UFD1: variants seen among roughly 807,000 people sequenced by gnomAD.
UFD1 encodes ubiquitin recognition factor in ER-associated degradation protein 1.
A neutral mutation model predicts 45.9 loss-of-function variants in UFD1; 13 were observed. The observed-to-expected ratio is 0.28, with a 90% CI of 0.18 to 0.45. The LOEUF (loss-of-function observed/expected upper bound fraction) is 0.45. UFD1 is among the 20% of genes least tolerant of loss of function. UFD1 has a pLI of 1.00. For missense variants in UFD1, 218 were observed against 389.2 expected (o/e 0.56, Z 3.70); for synonymous variants, 128 against 139.2 (o/e 0.92, Z 0.56).
chr22:19,457,221 T>A (rs1368930382), intron 7 of UFD1, among the ~76,000 whole-genome samples: 2 of 152,166 alleles, frequency 1.3e-5, no homozygotes, highest in Non-Finnish European at 2.9e-5. Context: ...GGGGCATGTA[T>A]CCACCACAGT....
chr22:19,451,719 T>A (rs1481265740), intron 11 of UFD1: 1 of 985,326 alleles, frequency 1.0e-6, no homozygotes, highest in Non-Finnish European at 1.2e-6. Flanking sequence ...TAAATTTGAG[T>A]CACAGCTGCA....
At position 19,475,540 on chromosome 22, in the gene UFD1, C is replaced by A; in HGVS notation, c.66G>T (p.Gln22His). 6.2e-7 allele frequency: 1 copy of A among 1,614,162 alleles called. No individual in the cohort carries two copies. Among genetic ancestry groups the A allele is most frequent in the Non-Finnish European group, 8.5e-7 (1 of 1,180,034 alleles). ...GCATGGACACAGAGAAGCAGCGGTACTGTGTGGAGAAGCGGTTTTGGAAGA... is the reference window on the plus strand; with the variant it reads ...GCATGGACACAGAGAAGCAGCGGTAATGTGTGGAGAAGCGGTTTTGGAAGA... ...PRVFQNRFST[Q>H]YRCFSVSMLA... Residue 22 changes from glutamine to histidine, a missense_variant, in exon 2 of 12, where the codon CAG (glutamine) becomes CAT (histidine). Gln to His is a conservative substitution (Grantham distance 24, BLOSUM62 0). Around this residue, in one of 2 missense-constraint regions of UFD1, gnomAD observed 149 missense variants for 307.5 expected, o/e 0.48. Transcript: ENST00000263202.
intron 10 of UFD1, among the ~76,000 whole-genome samples, chr22:19,455,197 C>T (rs2089713721): frequency 6.6e-6 from 1 of 152,134 alleles, no homozygotes; most frequent in Non-Finnish European, 1.5e-5. Flanking sequence ...CAGCCCTGCC[C>T]CTGCCATCAT....
Position 19,456,661 on chromosome 22 carries a change from A to G in UFD1, c.631-27T>C, listed in dbSNP as rs1354177519. ...TGACAGGGAAAAAGAAAAACAGGTG[A>G]GCTCCTCAGCGGGGACACCCAGCTT... On this transcript the variant is annotated intron_variant, in intron 8 of 11. Coordinates refer to ENST00000263202, the MANE Select transcript of UFD1 (RefSeq NM_005659.7). 4 of 1,614,158 alleles carry G rather than the reference A, an allele frequency of 2.5e-6. No homozygotes were observed. In the Admixed American group the frequency reaches 5.0e-5, roughly 20 times the overall value.
chr22:19,461,221 T>C (rs1159132353), intron 6 of UFD1, among the ~76,000 whole-genome samples: 1 of 152,266 alleles, frequency 6.6e-6, no homozygotes, highest in East Asian at 1.9e-4. Context: ...TAATATTACA[T>C]TGTATGTGTG....
At chr22:19,461,073 C>T (rs1225667974) in intron 6 of UFD1, among the ~76,000 whole-genome samples, 1 of 152,158 alleles carries the variant, frequency 6.6e-6, no homozygotes. Flanking sequence ...CTTTCTGTCT[C>T]CCATGAGTTT....
chr22:19,456,695 C>T (rs576349280), intron 8 of UFD1, 61 bp from the exon 9 acceptor site: 1 of 1,613,430 alleles, frequency 6.2e-7, no homozygotes, highest in South Asian at 1.1e-5. Context: ...TTCCCTCTCA[C>T]CCCCACCCCC....
chr22:19,456,155 C>G (rs2089721443), intron 9 of UFD1, among the ~76,000 whole-genome samples: 1 of 152,184 alleles, frequency 6.6e-6, no homozygotes, highest in African/African-American at 2.4e-5. Context: ...CCTCAGTGCC[C>G]ACACATGAAC....
At chr22:19,457,012 G>A in intron 7 of UFD1, 94 bp from the exon 8 acceptor site, 1 of 836,086 alleles carries the variant, frequency 1.2e-6, no homozygotes, top group Admixed American at 2.1e-5. Flanking sequence ...AGATTCACAT[G>A]CAGTTTTAAG....
intron 6 of UFD1, 51 bp downstream of exon 6, chr22:19,465,151 G>T: frequency 6.5e-7 from 1 of 1,536,206 alleles, no homozygotes; most frequent in South Asian, 1.1e-5. Context: ...ACATTAGAAT[G>T]GACACTGCAG....
At chr22:19,456,182 C>T (rs886150972) in intron 9 of UFD1, among the ~76,000 whole-genome samples, 1 of 152,194 alleles carries the variant, frequency 6.6e-6, no homozygotes, top group Admixed American at 6.5e-5. Context: ...CACCTGTTTC[C>T]CATGGAGCCT....
intron 6 of UFD1, among the ~76,000 whole-genome samples, chr22:19,459,873 G>A (rs775451476): frequency 2.6e-4 from 40 of 151,358 alleles, no homozygotes; most frequent in Middle Eastern, 6.8e-3. Flanking sequence ...CAAGTAACTG[G>A]GACTACAGGT....
chr22:19,454,947 T>G, intron 10 of UFD1, 117 bp from the exon 11 acceptor site: 1 of 1,135,850 alleles, frequency 8.8e-7, no homozygotes, highest in Non-Finnish European at 1.2e-6. Context: ...CTGGGCCCTT[T>G]GGTGCTTCCT....
At chr22:19,474,600 G>A (rs2089868248) in intron 3 of UFD1, among the ~76,000 whole-genome samples, 1 of 152,130 alleles carries the variant, frequency 6.6e-6, no homozygotes, top group Non-Finnish European at 1.5e-5. Context: ...CTGGAGCTCA[G>A]GAAAGATGTT....
At chr22:19,477,677 G>A (rs975578403) in intron 1 of UFD1, among the ~76,000 whole-genome samples, 1 of 131,804 alleles carries the variant, frequency 7.6e-6, no homozygotes, top group Non-Finnish European at 1.7e-5. Context: ...TAAAAATTTG[G>A]TTTTTTTAAC....
rs567449820 is a variant in UFD1, at chr22:19,453,593, G to A, written c.849+1156C>T. The A allele has an allele frequency of 2.9e-5, 29 of 985,534 alleles. 1 individual carries two copies. In the South Asian group the frequency reaches 1.2e-3, roughly 42 times the overall value. The allele number at this position is 985,534 out of a possible 1,614,324, so 61.0% of individuals were successfully genotyped here. A position where few individuals can be genotyped will look rare whatever the true frequency, so the allele number is the denominator to read the frequency against. On this transcript the variant is annotated intron_variant, in intron 11 of 11. Coordinates refer to ENST00000263202, the MANE Select transcript of UFD1 (RefSeq NM_005659.7). ...AGCCTGTAGCTGGTGAAGCCTGGAT[G>A]GTGCCTGAAGGAGGAGCTGGAGGGT...
At chr22:19,465,446 AAT>A (rs2089795462) in intron 5 of UFD1, 172 bp from the exon 6 acceptor site, 1 of 565,950 alleles carries the variant, frequency 1.8e-6, no homozygotes, top group Admixed American at 3.2e-5. Context: ...TGGAACTCCT[AAT>A]ATGCAATAAT....
chr22:19,458,292 C>CTGCCATAAGGGACAGGCTGCCCTG, intron 6 of UFD1, among the ~76,000 whole-genome samples, 153 bp from the exon 7 acceptor site: 1 of 152,334 alleles, frequency 6.6e-6, no homozygotes, highest in East Asian at 1.9e-4. Flanking sequence ...TGTGACAACA[C>CTGCCATAAGGGACAGGCTGCCCTG]TGCCATAAGG....
chr22:19,460,422 G>A (rs1387202327), intron 6 of UFD1, among the ~76,000 whole-genome samples: 1 of 152,142 alleles, frequency 6.6e-6, no homozygotes, highest in Admixed American at 6.5e-5. Flanking sequence ...CATTTAGTAA[G>A]GATAAATATT....
Sources: gnomAD v4.1 joint callset for allele counts (sites outside exome capture counted in the v4.1 genomes callset) on GRCh38, gnomAD v4.1.1 for gene constraint, gnomAD v4.1.1 regional missense constraint, MANE v1.5 for transcripts, NCBI Gene and HGNC (gene_info 2026-07-23, HGNC 2026-07-21) for gene names.